The following EBF3 variants were observed in gnomAD, a reference collection of about 807,000 sequenced individuals.
EBF3 encodes the protein transcription factor COE3.
In EBF3, 18 loss-of-function variants were observed where a neutral mutation model predicts 77.1. The ratio of observed to expected loss-of-function variants is 0.23; its 90% CI spans 0.16 to 0.35. EBF3 has a LOEUF of 0.35. Ranked by LOEUF, EBF3 falls within the 10% of genes least tolerant of loss-of-function variation. The pLI is 1.00. For missense variants in EBF3, 558 were observed against 860.0 expected (o/e 0.65, Z 4.39); for synonymous variants, 350 against 343.5 (o/e 1.02, Z -0.21).
intron 6 of EBF3, among the ~76,000 whole-genome samples, chr10:129,895,366 T>C (rs1854297569): frequency 6.6e-6 from 1 of 152,220 alleles, no homozygotes; most frequent in Non-Finnish European, 1.5e-5. Context: ...AGGCTTCGTA[T>C]GCCTCCCGGC....
At chr10:129,843,098 G>GC (rs775027465) in intron 12 of EBF3, 39 bp downstream of exon 12, 6 of 1,477,580 alleles carry the variant, frequency 4.1e-6, no homozygotes, top group East Asian at 2.5e-5. Context: ...GTTCTGGCAT[G>GC]GGGGGGAGGA....
chr10:129,903,137 C>A (rs2134252310), intron 6 of EBF3, among the ~76,000 whole-genome samples: 1 of 152,322 alleles, frequency 6.6e-6, no homozygotes, highest in South Asian at 2.1e-4. Flanking sequence ...TAGTTTTTAG[C>A]CTCCAACTGA....
rs760865846 is a variant in EBF3 at position 129,962,969 on chromosome 10, A to G, written c.328T>C (p.Tyr110His). ...TTGCTGTACAATAACTGGAGTTTAT[A>G]GTGGATGCCGTTGTTGGTTTTCTCG... Reference protein sequence around the residue: ...NNEKTNNGIHYKLQLLYSNGV... With the variant: ...NNEKTNNGIHHKLQLLYSNGV... Residue 110 changes from tyrosine (Y) to histidine (H), a missense_variant, in exon 3 of 17, where the codon TAT becomes CAT. Coordinates refer to ENST00000440978, the MANE Select transcript of EBF3 (RefSeq NM_001375380.1). The G allele has an allele frequency of 5.0e-6, 8 of 1,614,180 alleles. No homozygotes were observed. The highest frequency in any genetic ancestry group is 6.8e-6 in the Non-Finnish European group (8 of 1,180,028).
At chr10:129,927,588 G>A (rs559656456) in intron 6 of EBF3, among the ~76,000 whole-genome samples, 2 of 152,252 alleles carry the variant, frequency 1.3e-5, no homozygotes, top group Non-Finnish European at 1.5e-5. Flanking sequence ...ACCCCTTCTC[G>A]GGCAGCCATG....
At chr10:129,896,879 A>G (rs1854429103) in intron 6 of EBF3, among the ~76,000 whole-genome samples, 1 of 152,160 alleles carries the variant, frequency 6.6e-6, no homozygotes, top group African/African-American at 2.4e-5. Context: ...AGAGGCTCAA[A>G]CCGAGAGAGA....
intron 16 of EBF3, 33 bp from the exon 17 acceptor site, chr10:129,837,993 G>A (rs1849717009): frequency 1.9e-6 from 3 of 1,613,764 alleles, no homozygotes; most frequent in Non-Finnish European, 2.5e-6. Context: ...AGTTACTGCA[G>A]GCTCCCCCAC....
At chr10:129,876,378 G>C (rs924871668) in intron 7 of EBF3, among the ~76,000 whole-genome samples, 4 of 152,246 alleles carry the variant, frequency 2.6e-5, no homozygotes, top group Non-Finnish European at 5.9e-5. Context: ...CCTCAGCCCT[G>C]CCTGACTTCC....
chr10:129,891,229 T>C (rs577310022), intron 6 of EBF3, among the ~76,000 whole-genome samples: 382 of 152,222 alleles, frequency 2.5e-3, no homozygotes, highest in African/African-American at 8.9e-3. Context: ...TCAAGCAAAT[T>C]TTCTCTGTGT....
At position 129,963,812 on chromosome 10, in the gene EBF3, C is replaced by T; in HGVS notation, c.-44G>A. On this transcript the variant is annotated 5_prime_UTR_variant, in exon 1 of 17. Coordinates refer to ENST00000440978, the MANE Select transcript of EBF3 (RefSeq NM_001375380.1). The surrounding 1 kb of genome is among the most constrained non-coding windows in gnomAD (Gnocchi z 7.1). ...CCGCAGCTCCCGGCCGAAAGCGTTT[C>T]CTCGAGCAGCGGCGCTCGGGGCTTG... is the stretch of plus-strand genomic sequence containing the variant. 1 of 1,480,174 alleles carries T rather than the reference C, an allele frequency of 6.8e-7. No homozygotes were observed. 91.7% of individuals were successfully genotyped at this position (1,480,174 alleles called of 1,614,324 possible).
chr10:129,921,526 G>A (rs936574206), intron 6 of EBF3, among the ~76,000 whole-genome samples: 6 of 152,184 alleles, frequency 3.9e-5, no homozygotes, highest in Admixed American at 3.9e-4. Flanking sequence ...CAGGCCCAAG[G>A]ACCACAAGAA....
rs1249022656 is a variant in EBF3 at position 129,964,005 on chromosome 10, G to A, written c.-237C>T. On this transcript the variant is annotated 5_prime_UTR_variant, in exon 1 of 17. Transcript: ENST00000440978. This position sits in a 1 kb window ranked among gnomAD's most constrained non-coding sequence, Gnocchi z 4.5. Reference sequence around the variant, plus strand: ...CACCGGCGGCGGCGGCGCTTCGAAGGAGCAGGACGCGGTGGCCGCGGCGGC... The same window carrying A: ...CACCGGCGGCGGCGGCGCTTCGAAGAAGCAGGACGCGGTGGCCGCGGCGGC... 7 of 985,140 alleles carry A rather than the reference G, an allele frequency of 7.1e-6. No individual in the cohort carries two copies. Among genetic ancestry groups the A allele is most frequent in the Non-Finnish European group, 8.4e-6 (7 of 829,826 alleles). The allele number at this position is 985,140 out of a possible 1,614,324, so 61.0% of individuals were successfully genotyped here. A position where few individuals can be genotyped will look rare whatever the true frequency, so the allele number is the denominator to read the frequency against.
intron 6 of EBF3, among the ~76,000 whole-genome samples, chr10:129,927,147 G>A (rs1002314419): frequency 7.2e-5 from 11 of 152,128 alleles, no homozygotes; most frequent in Admixed American, 2.6e-4. Flanking sequence ...CGACACAACC[G>A]ACCAGGCTCC....
rs565092957 is a variant in EBF3 at position 129,842,329 on chromosome 10, C to A, written c.1195-36G>T. 265 of 1,541,098 alleles carry A rather than the reference C, an allele frequency of 1.7e-4. 2 individuals are homozygous for A. In the South Asian group the frequency reaches 3.1e-3, roughly 18 times the overall value. Reference sequence around the variant, plus strand: ...AGCAAGTGGGAGCCGGCCTGTCACCCCAGGCCCGGCCCAGCTGGCCGCACT... The same window carrying A: ...AGCAAGTGGGAGCCGGCCTGTCACCACAGGCCCGGCCCAGCTGGCCGCACT... On this transcript the variant is annotated intron_variant, in intron 12 of 16. Transcript: ENST00000440978. This position sits in a 1 kb window ranked among gnomAD's most constrained non-coding sequence, Gnocchi z 4.4.
chr10:129,912,538 T>G (rs746346067), intron 6 of EBF3, among the ~76,000 whole-genome samples: 8 of 152,196 alleles, frequency 5.3e-5, no homozygotes, highest in Non-Finnish European at 1.2e-4. Context: ...AAAAAATACC[T>G]GGCCCAAATT....
At chr10:129,924,430 CA>C (rs956215243) in intron 6 of EBF3, among the ~76,000 whole-genome samples, 4,463 of 108,416 alleles carry the variant, frequency 0.041, 81 homozygotes, top group African/African-American at 0.046. Flanking sequence ...ACAACAACAA[CA>C]AAAAAAAAAA....
At chr10:129,957,407 G>A (rs10829666) in intron 5 of EBF3, 81 bp from the exon 6 acceptor site, 227,990 of 1,130,578 alleles carry the variant, frequency 0.2, 25,040 homozygotes, top group East Asian at 0.31. Context: ...TTTTTCTGAC[G>A]TCTGACAATG....
At chr10:129,932,049 C>T (rs1447920425) in intron 6 of EBF3, among the ~76,000 whole-genome samples, 2 of 152,138 alleles carry the variant, frequency 1.3e-5, no homozygotes, top group Non-Finnish European at 2.9e-5. Flanking sequence ...GGGCTTGGTC[C>T]GCTCTCTCCT....
chr10:129,896,481 C>A (rs35950777), intron 6 of EBF3, among the ~76,000 whole-genome samples: 7,922 of 152,322 alleles, frequency 0.052, 325 homozygotes, highest in African/African-American at 0.1. Flanking sequence ...CCCCTCCGAG[C>A]AGCTGGCTGG....
intron 14 of EBF3, among the ~76,000 whole-genome samples, 163 bp downstream of exon 14, chr10:129,840,681 C>T (rs1332328616): frequency 6.6e-6 from 1 of 152,142 alleles, no homozygotes; most frequent in Non-Finnish European, 1.5e-5. Context: ...ACATCGGGCC[C>T]GTTTTGGGTC....
Sources: gnomAD v4.1 joint callset for allele counts (sites outside exome capture counted in the v4.1 genomes callset) on GRCh38, gnomAD v4.1.1 for gene constraint, Gnocchi (gnomAD v3.1) non-coding constraint, MANE v1.5 for transcripts, NCBI Gene and HGNC (gene_info 2026-07-23, HGNC 2026-07-21) for gene names.